KCNB2: variants seen among roughly 807,000 people sequenced by gnomAD.
KCNB2 encodes potassium voltage-gated channel subfamily B member 2, also known as delayed rectifier potassium channel protein.
KCNB2 carries 15 observed loss-of-function variants against 61.5 expected under a neutral mutation model. The observed-to-expected ratio is 0.24, with a 90% CI of 0.16 to 0.38. The LOEUF (loss-of-function observed/expected upper bound fraction) is 0.38, where lower values mean the gene tolerates loss of function less well. Among genes scored for constraint, KCNB2 ranks in the 10% least tolerant of loss-of-function variants. The pLI, the probability that KCNB2 is intolerant of heterozygous loss-of-function variation, is 1.00. For synonymous variants in KCNB2, 457 were observed against 446.0 expected (o/e 1.02, Z -0.31); for missense variants, 828 against 1,125.2 (o/e 0.74, Z 3.78).
intron 2 of KCNB2, among the ~76,000 whole-genome samples, chr8:72,762,162 A>G (rs190234260): frequency 6.6e-6 from 1 of 152,336 alleles, no homozygotes; most frequent in Non-Finnish European, 1.5e-5. Flanking sequence ...CCGAATTTAC[A>G]TTAGAAACCC....
intron 2 of KCNB2, among the ~76,000 whole-genome samples, chr8:72,934,444 A>G (rs1806859921): frequency 6.6e-6 from 1 of 150,856 alleles, no homozygotes; most frequent in Non-Finnish European, 1.5e-5. Flanking sequence ...AGAAAGGAGG[A>G]AGTGAAAGGA....
At chr8:72,840,537 G>T (rs911038949) in intron 2 of KCNB2, among the ~76,000 whole-genome samples, 1 of 152,152 alleles carries the variant, frequency 6.6e-6, no homozygotes, top group Non-Finnish European at 1.5e-5. Context: ...GTGTAAAAGC[G>T]TTCCTATTTC....
chr8:72,588,868 C>T (rs1341921145), intron 2 of KCNB2, among the ~76,000 whole-genome samples: 2 of 152,132 alleles, frequency 1.3e-5, no homozygotes, highest in African/African-American at 4.8e-5. Context: ...TACACTCCAG[C>T]CTGGGTGACA....
intron 2 of KCNB2, among the ~76,000 whole-genome samples, chr8:72,929,711 A>T (rs1298139315): frequency 6.6e-6 from 1 of 152,174 alleles, no homozygotes; most frequent in African/African-American, 2.4e-5. Context: ...CCTAATCCAA[A>T]TTTCCGAAGG....
intron 2 of KCNB2, among the ~76,000 whole-genome samples, chr8:72,598,358 T>C (rs1319424032): frequency 6.6e-6 from 1 of 152,238 alleles, no homozygotes; most frequent in Non-Finnish European, 1.5e-5. Flanking sequence ...ACCACATGAT[T>C]ATCTCAATAG....
intron 2 of KCNB2, among the ~76,000 whole-genome samples, chr8:72,929,059 G>A (rs1162586815): frequency 6.6e-6 from 1 of 152,076 alleles, no homozygotes; most frequent in Non-Finnish European, 1.5e-5. Flanking sequence ...GCATGATCCA[G>A]TATGAGCCTT....
Position 72,919,120 on chromosome 8 carries a change from A to G in KCNB2, c.580-16815A>G, listed in dbSNP as rs553928239. ...CCAAAGGAGATATACATCTGTTTAT[A>G]TATGTAAATGCATGTATTTATATGC... On this transcript the variant is annotated intron_variant, in intron 2 of 2. Coordinates refer to ENST00000523207, the MANE Select transcript of KCNB2 (RefSeq NM_004770.3). Among the ~76,000 whole-genome samples, 237 of 152,356 alleles carry G rather than the reference A, an allele frequency of 1.6e-3. 1 individual carries two copies. The highest frequency in any genetic ancestry group is 4.0e-3 in the Admixed American group (61 of 15,296).
chr8:72,599,747 CAATAA>C (rs897504814), intron 2 of KCNB2, among the ~76,000 whole-genome samples: 3 of 151,978 alleles, frequency 2.0e-5, no homozygotes, highest in Admixed American at 1.3e-4. Flanking sequence ...AACAAATTTA[CAATAA>C]AAAAACAAAC....
At chr8:72,602,834 A>G (rs1048344708) in intron 2 of KCNB2, among the ~76,000 whole-genome samples, 4 of 152,022 alleles carry the variant, frequency 2.6e-5, no homozygotes, top group African/African-American at 9.7e-5. Context: ...TGTCATCTCC[A>G]AGTCTTTCCA....
chr8:72,728,505 A>C (rs1807687439), intron 2 of KCNB2, among the ~76,000 whole-genome samples: 1 of 152,168 alleles, frequency 6.6e-6, no homozygotes, highest in Non-Finnish European at 1.5e-5. Context: ...GAACACCTAC[A>C]TGTATTATGT....
At chr8:72,833,420 T>C (rs1326349275) in intron 2 of KCNB2, among the ~76,000 whole-genome samples, 1 of 152,112 alleles carries the variant, frequency 6.6e-6, no homozygotes, top group East Asian at 1.9e-4. Context: ...ATAAAAAGAC[T>C]GCAGGAAATA....
intron 2 of KCNB2, among the ~76,000 whole-genome samples, chr8:72,887,348 T>C (rs944643706): frequency 1.3e-5 from 2 of 152,146 alleles, no homozygotes; most frequent in African/African-American, 4.8e-5. Context: ...TGGAAAATAT[T>C]ACCTAAAAGC....
rs1282524583 is a variant in KCNB2, at chr8:72,790,852, T to C, written c.580-145083T>C. ...CATAAAAGTCTTAATAAACTGGTCTTTCCTGAGGAGTATCAAGTTCAGAAT... is the reference window on the plus strand; with the variant it reads ...CATAAAAGTCTTAATAAACTGGTCTCTCCTGAGGAGTATCAAGTTCAGAAT... On this transcript the variant is annotated intron_variant, in intron 2 of 2. Coordinates refer to ENST00000523207, the MANE Select transcript of KCNB2 (RefSeq NM_004770.3). Among the ~76,000 whole-genome samples the C allele has an allele frequency of 2.0e-5, 3 of 152,224 alleles. No homozygotes were observed. In the East Asian group the frequency reaches 5.8e-4, roughly 29 times the overall value.
At chr8:72,898,607 C>G (rs1039569440) in intron 2 of KCNB2, among the ~76,000 whole-genome samples, 3 of 152,116 alleles carry the variant, frequency 2.0e-5, no homozygotes, top group Non-Finnish European at 4.4e-5. Flanking sequence ...TTCCCTTGCT[C>G]TTTCCTATTC....
At chr8:72,666,121 T>C (rs1393868414) in intron 2 of KCNB2, among the ~76,000 whole-genome samples, 5 of 152,252 alleles carry the variant, frequency 3.3e-5, no homozygotes, top group Non-Finnish European at 5.9e-5. Flanking sequence ...CTTGACACTA[T>C]GAACTTTTCA....
chr8:72,790,283 G>A (rs1045043658), intron 2 of KCNB2, among the ~76,000 whole-genome samples: 6 of 152,108 alleles, frequency 3.9e-5, no homozygotes, highest in Non-Finnish European at 7.3e-5. Flanking sequence ...ACCCTGCTAA[G>A]GTCAGCACCC....
chr8:72,821,444 C>A (rs1481655858), intron 2 of KCNB2, among the ~76,000 whole-genome samples: 1 of 152,012 alleles, frequency 6.6e-6, no homozygotes, highest in Non-Finnish European at 1.5e-5. Context: ...GCCAGATGGC[C>A]TTGGATGATG....
chr8:72,651,803 T>G (rs987878969), intron 2 of KCNB2, among the ~76,000 whole-genome samples: 4 of 152,002 alleles, frequency 2.6e-5, no homozygotes, highest in African/African-American at 9.7e-5. Context: ...ACTGAGCATA[T>G]CAGAAATTAA....
At chr8:72,910,567 C>T (rs1310287263) in intron 2 of KCNB2, among the ~76,000 whole-genome samples, 1 of 152,114 alleles carries the variant, frequency 6.6e-6, no homozygotes, top group African/African-American at 2.4e-5. Context: ...GGAAGAGAGG[C>T]TTGAAGAAAC....
Sources: gnomAD v4.1 joint callset for allele counts (sites outside exome capture counted in the v4.1 genomes callset) on GRCh38, gnomAD v4.1.1 for gene constraint, MANE v1.5 for transcripts, NCBI Gene and HGNC (gene_info 2026-07-23, HGNC 2026-07-21) for gene names.